Variants in TMTC1 observed in about 807,000 individuals in gnomAD.
TMTC1 encodes protein O-mannosyl-transferase TMTC1.
Under a neutral mutation model 104.8 loss-of-function variants are expected in TMTC1, and 73 were observed. That is an observed-to-expected ratio of 0.70 (90% CI 0.58 to 0.85). The LOEUF (loss-of-function observed/expected upper bound fraction) is 0.85. TMTC1 is among the 40% of genes least tolerant of loss of function. The pLI, the probability that TMTC1 is intolerant of heterozygous loss-of-function variation, is 0.00. For synonymous variants in TMTC1, 434 were observed against 428.7 expected, an observed-to-expected ratio of 1.01 and a Z score of -0.15; for missense variants, 1,035 against 1,096.1, an observed-to-expected ratio of 0.94 and a Z score of 0.79.
chr12:29,781,386 G>A (rs1325713767), intron 1 of TMTC1, among the ~76,000 whole-genome samples: 1 of 152,148 alleles, frequency 6.6e-6, no homozygotes, highest in East Asian at 1.9e-4. Flanking sequence ...GAGTCCCTCA[G>A]CTCTCTTCCT....
chr12:29,575,097 A>T (rs988785501), intron 8 of TMTC1, among the ~76,000 whole-genome samples: 1 of 152,166 alleles, frequency 6.6e-6, no homozygotes, highest in Admixed American at 6.5e-5. Context: ...AATGTCCACA[A>T]GATCACACAG....
At chr12:29,717,896 T>C (rs1469817789) in intron 5 of TMTC1, among the ~76,000 whole-genome samples, 1 of 152,194 alleles carries the variant, frequency 6.6e-6, no homozygotes, top group Non-Finnish European at 1.5e-5. Flanking sequence ...TGAACTTGCA[T>C]GTGATTTATG....
intron 6 of TMTC1, among the ~76,000 whole-genome samples, chr12:29,614,721 T>C (rs2136439016): frequency 6.6e-6 from 1 of 152,342 alleles, no homozygotes; most frequent in East Asian, 1.9e-4. Context: ...ATATGATCTA[T>C]ATGAGGCTTG....
chr12:29,547,666 C>T (rs1350409235), intron 10 of TMTC1, among the ~76,000 whole-genome samples: 7 of 152,072 alleles, frequency 4.6e-5, no homozygotes, highest in African/African-American at 1.7e-4. Flanking sequence ...TGACAAATGG[C>T]CAATCTGGCT....
At chr12:29,529,536 A>G (rs149482870) in intron 11 of TMTC1, among the ~76,000 whole-genome samples, 2 of 152,348 alleles carry the variant, frequency 1.3e-5, no homozygotes, top group African/African-American at 4.8e-5. Context: ...TACAAAAGTA[A>G]TATTGTAATA....
At chr12:29,634,306 A>G (rs1264845667) in intron 5 of TMTC1, among the ~76,000 whole-genome samples, 2 of 152,172 alleles carry the variant, frequency 1.3e-5, no homozygotes, top group Admixed American at 6.5e-5. Flanking sequence ...AGCCATTCCT[A>G]TGGAATGTAA....
chr12:29,701,240 G>A (rs893462980), intron 5 of TMTC1, among the ~76,000 whole-genome samples: 7 of 152,148 alleles, frequency 4.6e-5, no homozygotes, highest in Non-Finnish European at 1.0e-4. Flanking sequence ...ACCATAAAAT[G>A]TGCCACTGAG....
In TMTC1 at chr12:29,604,774, A is replaced by G. The variant is rs1017579280; in HGVS notation, c.1129-475T>C. Among the ~76,000 whole-genome samples, 5 of 152,352 alleles carry G rather than the reference A, an allele frequency of 3.3e-5. No individual in the cohort carries two copies. In the East Asian group the frequency reaches 5.8e-4, roughly 18 times the overall value. On this transcript the variant is annotated intron_variant, in intron 6 of 17. Transcript: ENST00000539277. ...CCAGGAGAAGCAAAGTTTAACATCA[A>G]GAAAATCAAATACTAATGATAAAAT...
intron 11 of TMTC1, chr12:29,529,955 T>C (rs1430698051): frequency 6.6e-6 from 1 of 152,096 alleles, no homozygotes; most frequent in African/African-American, 2.4e-5. Flanking sequence ...CAATAAATGC[T>C]AAAGAGAAAG....
chr12:29,697,254 C>T lies in TMTC1; in HGVS notation c.938+54412G>A, dbSNP rs1202070101. Among the ~76,000 whole-genome samples, 3 of 152,190 alleles carry T rather than the reference C, an allele frequency of 2.0e-5. No individual in the cohort carries two copies. The East Asian group carries it at 5.8e-4, about 29-fold the overall frequency. ...TTCACTTCTTCCACCTGTCACTTAG[C>T]CCTTGGTGTAGCACTGTCTTGGGAC... On this transcript the variant is annotated intron_variant, in intron 5 of 17. Transcript: ENST00000539277.
chr12:29,768,006 T>C lies in TMTC1; in HGVS notation c.372A>G (p.Leu124=), dbSNP rs1943511113. The change falls in exon 2 of 18, where the codon TTA becomes TTG. Residue 124 remains leucine, a synonymous_variant. Transcript: ENST00000539277. ...FHAVNIILHC[L]VTLVLMYTCD... ...AGGTGTACATCAGCACAAGAGTCAC[T>C]AAGCAGTGTAAAATTATATTTACTG... is the stretch of plus-strand genomic sequence containing the variant. 6.2e-7 allele frequency: 1 copy of C among 1,613,802 alleles called. No individual in the cohort carries two copies.
intron 7 of TMTC1, among the ~76,000 whole-genome samples, chr12:29,583,981 A>T (rs529995709): frequency 1.3e-5 from 2 of 152,284 alleles, no homozygotes; most frequent in African/African-American, 4.8e-5. Flanking sequence ...TTTATGCTGC[A>T]GCAGGTCACA....
At chr12:29,548,765 C>A (rs985290479) in intron 10 of TMTC1, among the ~76,000 whole-genome samples, 2 of 144,070 alleles carry the variant, frequency 1.4e-5, no homozygotes, top group Non-Finnish European at 3.0e-5. Flanking sequence ...AAATTCTACA[C>A]CTATATTTAT....
chr12:29,774,595 T>C (rs1430062317), intron 1 of TMTC1, among the ~76,000 whole-genome samples: 1 of 152,200 alleles, frequency 6.6e-6, no homozygotes, highest in Non-Finnish European at 1.5e-5. Context: ...CTATTACTGT[T>C]CATCTTTCTT....
At chr12:29,758,610 A>C (rs1309985300) in intron 3 of TMTC1, 94 bp downstream of exon 3, 3 of 1,242,748 alleles carry the variant, frequency 2.4e-6, no homozygotes. Flanking sequence ...AGCATTTCAC[A>C]ACCAGAAGCT....
At chr12:29,538,933 A>G (rs1175771195) in intron 10 of TMTC1, among the ~76,000 whole-genome samples, 1 of 152,188 alleles carries the variant, frequency 6.6e-6, no homozygotes, top group African/African-American at 2.4e-5. Flanking sequence ...GGAGCCGCTG[A>G]GTGTCATTAA....
rs781475720 is a variant in TMTC1, at chr12:29,633,204, G to A, written c.1071C>T (p.Thr357=). 5.0e-6 allele frequency: 8 copies of A among 1,613,918 alleles called. No homozygotes were observed. Among genetic ancestry groups the A allele is most frequent in the Non-Finnish European group, 6.8e-6 (8 of 1,179,988 alleles). Residue 357 remains threonine (T), a synonymous_variant, in exon 6 of 18, where the codon ACC becomes ACT. Transcript: ENST00000539277. ...ETIWDMRNLA[T]IFLAVVMALL... ...AGGCCATCACAACCGCCAGAAAGAT[G>A]GTGGCTAAGTTCCGCATGTCCCATA...
At chr12:29,700,800 G>A (rs768619518) in intron 5 of TMTC1, among the ~76,000 whole-genome samples, 1 of 152,136 alleles carries the variant, frequency 6.6e-6, no homozygotes, top group Non-Finnish European at 1.5e-5. Context: ...TGGGACTAAA[G>A]CTACTGGACC....
intron 2 of TMTC1, among the ~76,000 whole-genome samples, chr12:29,761,024 A>G (rs1943335608): frequency 6.8e-6 from 1 of 147,838 alleles, no homozygotes; most frequent in Admixed American, 6.8e-5. Flanking sequence ...AATTATATGT[A>G]GTATATGTTA....
Sources: gnomAD v4.1 joint callset for allele counts (sites outside exome capture counted in the v4.1 genomes callset) on GRCh38, gnomAD v4.1.1 for gene constraint, MANE v1.5 for transcripts, NCBI Gene and HGNC (gene_info 2026-07-23, HGNC 2026-07-21) for gene names.